Variants in BMP6 observed in about 807,000 individuals in gnomAD.
The protein encoded by BMP6 is VG-1-R.
In BMP6, 17 loss-of-function variants were observed where a neutral mutation model predicts 54.1. The ratio of observed to expected loss-of-function variants is 0.31; its 90% CI spans 0.22 to 0.47. The LOEUF (loss-of-function observed/expected upper bound fraction) is 0.47. Among genes scored for constraint, BMP6 ranks in the 20% least tolerant of loss-of-function variants. BMP6 has a pLI of 1.00. For missense variants in BMP6, 720 were observed against 690.4 expected (o/e 1.04, Z -0.48); for synonymous variants, 328 against 291.2 (o/e 1.13, Z -1.28).
In BMP6 at chr6:7,800,079, G is replaced by GGTGT. The variant is rs72469855; in HGVS notation, c.665-45021_665-45018dup. Among the ~76,000 whole-genome samples the GGTGT allele has an allele frequency of 7.9e-3, 1,151 of 145,136 alleles. 6 individuals carry two copies. The highest frequency in any genetic ancestry group is 0.021 in the Middle Eastern group (6 of 282). Reference sequence around the variant, plus strand: ...TGAGTGTTATTACGATAAAGGAAGGGGTGTGTGTGTGTGTGTGTGTGTGTG... The same window carrying GGTGT: ...TGAGTGTTATTACGATAAAGGAAGGGGTGTGTGTGTGTGTGTGTGTGTGTGTGTG... On this transcript the variant is annotated intron_variant, in intron 1 of 6. Coordinates refer to ENST00000283147, the MANE Select transcript of BMP6 (RefSeq NM_001718.6).
At chr6:7,822,780 C>G (rs545972462) in intron 1 of BMP6, among the ~76,000 whole-genome samples, 93 of 152,210 alleles carry the variant, frequency 6.1e-4, no homozygotes, top group Middle Eastern at 3.4e-3. Context: ...AACCTGAGTT[C>G]CAGAAGGCAC....
chr6:7,779,629 T>A (rs1199310584), intron 1 of BMP6, among the ~76,000 whole-genome samples: 1 of 152,174 alleles, frequency 6.6e-6, no homozygotes, highest in Non-Finnish European at 1.5e-5. Context: ...CGTGAGCCAC[T>A]GAGCCCAGCC....
chr6:7,782,723 GAAAA>G (rs1000290000), intron 1 of BMP6, among the ~76,000 whole-genome samples: 4 of 151,768 alleles, frequency 2.6e-5, no homozygotes, highest in Non-Finnish European at 5.9e-5. Context: ...AAAAGAGAAA[GAAAA>G]AAAAGTATAG....
chr6:7,856,614 T>TTTTTTTTTTTTTTTTTTTTTTTTAG, intron 2 of BMP6, among the ~76,000 whole-genome samples: 1 of 95,162 alleles, frequency 1.1e-5, no homozygotes, highest in Admixed American at 1.1e-4. Context: ...TTTTTTTTTT[T>TTTTTTTTTTTTTTTTTTTTTTTTAG]GAGACGGAGT....
At chr6:7,741,828 G>A (rs1288317587) in intron 1 of BMP6, among the ~76,000 whole-genome samples, 4 of 152,224 alleles carry the variant, frequency 2.6e-5, no homozygotes, top group Admixed American at 6.5e-5. Context: ...CGTTGGCTCT[G>A]CTACCCCTCA....
At chr6:7,798,634 G>T (rs1345759278) in intron 1 of BMP6, among the ~76,000 whole-genome samples, 1 of 152,186 alleles carries the variant, frequency 6.6e-6, no homozygotes, top group Non-Finnish European at 1.5e-5. Context: ...ACAATCCTCA[G>T]ATGTTCCTTC....
chr6:7,856,120 T>TAAAAAAAAAAAAAAAAAAAAA, intron 2 of BMP6, among the ~76,000 whole-genome samples: 1 of 83,660 alleles, frequency 1.2e-5, no homozygotes, highest in Non-Finnish European at 2.2e-5. Flanking sequence ...TCAAAGACTG[T>TAAAAAAAAAAAAAAAAAAAAA]AAAAAAAAAA....
chr6:7,810,006 A>G (rs1758413108), intron 1 of BMP6, among the ~76,000 whole-genome samples: 1 of 152,212 alleles, frequency 6.6e-6, no homozygotes, highest in Admixed American at 6.5e-5. Flanking sequence ...ACAGCTAGAG[A>G]ATGTTAGCTC....
chr6:7,748,682 T>C (rs34926212), intron 1 of BMP6, among the ~76,000 whole-genome samples: 21,319 of 152,174 alleles, frequency 0.14, 1,621 homozygotes, highest in East Asian at 0.3. Flanking sequence ...GGGGCGGAGA[T>C]GTTTCCCATT....
rs1234453194 is a variant in BMP6, at chr6:7,727,149, G to T, written c.194G>T (p.Gly65Val). The change falls in exon 1 of 7, where the codon GGC becomes GTC. Residue 65 changes from glycine to valine, a missense_variant. Physicochemically the swap from Gly to Val is moderately radical, Grantham distance 109. Around this residue, in one of 3 missense-constraint regions of BMP6, gnomAD observed 650 missense variants for 556.3 expected, o/e 1.17. Transcript: ENST00000283147. ...CCGCCGTCGCCGCAGTCCTCCTCGG[G>T]CTTCCTGTACCGGCGGCTCAAGACG... ...QPPPSPQSSS[G>V]FLYRRLKTQE... The T allele has an allele frequency of 6.3e-7, 1 of 1,576,826 alleles. No homozygotes were observed. The highest frequency in any genetic ancestry group is 8.6e-7 in the Non-Finnish European group (1 of 1,163,506).
chr6:7,746,398 G>A (rs920604424), intron 1 of BMP6, among the ~76,000 whole-genome samples: 1 of 152,232 alleles, frequency 6.6e-6, no homozygotes, highest in Non-Finnish European at 1.5e-5. Flanking sequence ...GAAGAGGCCT[G>A]AAATGGGAGA....
At chr6:7,831,929 C>T (rs1337403443) in intron 1 of BMP6, among the ~76,000 whole-genome samples, 1 of 152,200 alleles carries the variant, frequency 6.6e-6, no homozygotes, top group East Asian at 1.9e-4. Context: ...CTCACACGTG[C>T]ATTCAACACA....
At chr6:7,805,167 C>T (rs142113738) in intron 1 of BMP6, among the ~76,000 whole-genome samples, 25 of 152,272 alleles carry the variant, frequency 1.6e-4, no homozygotes, top group African/African-American at 5.3e-4. Context: ...TAGACAGTGA[C>T]GTGAAGGATT....
At chr6:7,758,202 G>T (rs571605546) in intron 1 of BMP6, among the ~76,000 whole-genome samples, 1 of 152,318 alleles carries the variant, frequency 6.6e-6, no homozygotes, top group Admixed American at 6.5e-5. Flanking sequence ...GCTTCTTTCT[G>T]GAAAGATGAC....
chr6:7,781,562 A>G lies in BMP6; in HGVS notation c.664+53943A>G, dbSNP rs189044664. Among the ~76,000 whole-genome samples the G allele has an allele frequency of 6.6e-5, 10 of 151,560 alleles. 1 individual carries two copies. In the South Asian group the frequency reaches 1.0e-3, roughly 16 times the overall value. ...ACTCTGTCACTCACCGCCTCACCAC[A>G]TTATTTAATTGAGTCTCTCTCCATT... On this transcript the variant is annotated intron_variant, in intron 1 of 6. Transcript: ENST00000283147.
At chr6:7,748,644 G>A (rs1003478575) in intron 1 of BMP6, among the ~76,000 whole-genome samples, 1 of 152,200 alleles carries the variant, frequency 6.6e-6, no homozygotes. Context: ...CCGTGAATAA[G>A]CTCAGTTCCT....
At chr6:7,847,775 A>C (rs1410615629) in intron 2 of BMP6, among the ~76,000 whole-genome samples, 1 of 151,970 alleles carries the variant, frequency 6.6e-6, no homozygotes, top group Non-Finnish European at 1.5e-5. Context: ...TTTGCTGTGA[A>C]CTCTGCACAA....
chr6:7,861,557 C>A lies in BMP6; in HGVS notation c.964C>A (p.Gln322Lys). 1.2e-6 allele frequency: 2 copies of A among 1,614,198 alleles called. No homozygotes were observed. The highest frequency in any genetic ancestry group is 1.7e-6 in the Non-Finnish European group (2 of 1,180,044). The change falls in exon 3 of 7, where the codon CAG (glutamine) becomes AAG (lysine). Residue 322 changes from glutamine to lysine, a missense_variant. By Grantham distance (53) the Gln-to-Lys change is moderately conservative. Transcript: ENST00000283147. ...TAGCAATCTGTGGGTTGTGACTCCA[C>A]AGCATAACATGGGGCTTCAGCTGAG... ...ATSNLWVVTP[Q>K]HNMGLQLSVV...
chr6:7,737,159 C>A (rs773826264), intron 1 of BMP6, among the ~76,000 whole-genome samples: 2 of 151,342 alleles, frequency 1.3e-5, no homozygotes, highest in African/African-American at 4.9e-5. Flanking sequence ...GCACTCCAGC[C>A]GGAGTGACAA....
Sources: allele counts gnomAD v4.1 joint callset (sites outside exome capture counted in the v4.1 genomes callset), GRCh38; gene constraint gnomAD v4.1.1; regional missense constraint gnomAD v4.1.1; transcripts MANE v1.5; gene names NCBI Gene and HGNC (gene_info 2026-07-23, HGNC 2026-07-21).